Variants in MAP3K3 observed in about 807,000 individuals in gnomAD.
The protein encoded by MAP3K3 is mitogen-activated protein kinase kinase kinase 3, also known as MAP/ERK kinase kinase 3.
In MAP3K3, 12 loss-of-function variants were observed where a neutral mutation model predicts 80.9. The ratio of observed to expected loss-of-function variants is 0.15; its 90% CI spans 0.10 to 0.24. MAP3K3 has a LOEUF of 0.24. Among genes scored for constraint, MAP3K3 ranks in the 10% least tolerant of loss-of-function variants. The pLI is 1.00. For missense variants in MAP3K3, 596 were observed against 834.7 expected (o/e 0.71, Z 3.52); for synonymous variants, 272 against 307.1 (o/e 0.89, Z 1.19).
At chr17:63,681,112 T>TAAA (rs76886126) in intron 6 of MAP3K3, among the ~76,000 whole-genome samples, 1 of 130,498 alleles carries the variant, frequency 7.7e-6, no homozygotes, top group Non-Finnish European at 1.7e-5. Flanking sequence ...TGTCTCAATT[T>TAAA]AAAAAAAAAA....
intron 1 of MAP3K3, among the ~76,000 whole-genome samples, chr17:63,630,738 C>G (rs1007372890): frequency 6.6e-6 from 1 of 152,170 alleles, no homozygotes; most frequent in East Asian, 1.9e-4. Flanking sequence ...CCACTTTCTC[C>G]TCATTCATTA....
chr17:63,627,334 C>T (rs1762117163), intron 1 of MAP3K3, among the ~76,000 whole-genome samples: 2 of 152,198 alleles, frequency 1.3e-5, no homozygotes, highest in South Asian at 4.1e-4. Flanking sequence ...TATGCTTCTT[C>T]CTGGTAGCTT....
At chr17:63,639,995 C>T (rs943721401) in intron 2 of MAP3K3, among the ~76,000 whole-genome samples, 11 of 152,064 alleles carry the variant, frequency 7.2e-5, no homozygotes, top group Non-Finnish European at 1.5e-4. Flanking sequence ...AGTCTTATAC[C>T]GGAGGTCTTT....
chr17:63,691,189 C>A lies in MAP3K3; in HGVS notation c.1300C>A (p.Arg434Ser). 1 of 1,614,196 alleles carries A rather than the reference C, an allele frequency of 6.2e-7. No homozygotes were observed. The highest frequency in any genetic ancestry group is 1.1e-5 in the South Asian group (1 of 91,086). Residue 434 changes from arginine to serine, a missense_variant, in exon 13 of 16, where the codon CGC (arginine) becomes AGC (serine). Transcript: ENST00000361733. The surrounding 1 kb of genome is among the most constrained non-coding windows in gnomAD (Gnocchi z 4.8). ...GCAGTACTATGGCTGTCTGCGGGAC[C>A]GCGCTGAGAAGACCCTGACCATCTT... ...IVQYYGCLRDRAEKTLTIFME... is the reference protein window; with the variant it reads ...IVQYYGCLRDSAEKTLTIFME...
chr17:63,688,817 G>C lies in MAP3K3; in HGVS notation c.807G>C (p.Gly269=). The change falls in exon 10 of 16, where the codon GGG becomes GGC. Residue 269 remains glycine, a synonymous_variant. Coordinates refer to ENST00000361733, the MANE Select transcript of MAP3K3 (RefSeq NM_002401.5). ...GGGAAACTCAGCTTTATGACAAAGG[G>C]GTCAAAGGTGGAACCTACCCCCGGC... ...SDRETQLYDK[G]VKGGTYPRRY... is the part of the protein sequence containing the mutation. 1.2e-6 allele frequency: 2 copies of C among 1,613,918 alleles called. No individual in the cohort carries two copies. The highest frequency in any genetic ancestry group is 2.2e-5 in the South Asian group (2 of 91,074).
chr17:63,639,882 A>C (rs2034406527), intron 2 of MAP3K3, among the ~76,000 whole-genome samples: 1 of 152,132 alleles, frequency 6.6e-6, no homozygotes, highest in African/African-American at 2.4e-5. Flanking sequence ...TCAGCTTTAT[A>C]CATTTATAAA....
rs1449188906 is a variant in MAP3K3, at chr17:63,694,416, CCT to C, written c.*643_*644del. On this transcript the variant is annotated 3_prime_UTR_variant, in exon 16 of 16. Coordinates refer to ENST00000361733, the MANE Select transcript of MAP3K3 (RefSeq NM_002401.5). ...TGTCCTGCCTGTGGCCATGACCCTG[CCT>C]CTCCCAGGCAGGGGCCCGCGATGTG... 4 of 152,680 alleles carry C rather than the reference CCT, an allele frequency of 2.6e-5. No homozygotes were observed. Among genetic ancestry groups the C allele is most frequent in the Non-Finnish European group, 5.9e-5 (4 of 68,058 alleles). The allele number at this position is 152,680 out of a possible 1,614,324, so 9.5% of individuals were successfully genotyped here. A position where few individuals can be genotyped will look rare whatever the true frequency, so the allele number is the denominator to read the frequency against.
chr17:63,650,676 GAGAGAGAGAGAGAGAGAGA>G (rs2034633656), intron 3 of MAP3K3, among the ~76,000 whole-genome samples: 2 of 147,866 alleles, frequency 1.4e-5, no homozygotes, highest in African/African-American at 5.2e-5. Flanking sequence ...GAGAGAGAGA[GAGAGAGAGAGAGAGAGAGA>G]GTTTTTTTTT....
chr17:63,683,428 T>G (rs979673681), intron 7 of MAP3K3, among the ~76,000 whole-genome samples: 4 of 152,324 alleles, frequency 2.6e-5, no homozygotes, highest in Admixed American at 6.5e-5. Context: ...TCCCAGAGAT[T>G]GCAGATGAGC....
chr17:63,679,814 G>T (rs928811210), intron 6 of MAP3K3, among the ~76,000 whole-genome samples: 1 of 152,248 alleles, frequency 6.6e-6, no homozygotes, highest in East Asian at 1.9e-4. Context: ...ATACATATAT[G>T]TATAAACATG....
chr17:63,655,473 G>A (rs1183177757), intron 4 of MAP3K3, among the ~76,000 whole-genome samples: 7 of 152,150 alleles, frequency 4.6e-5, no homozygotes. Context: ...GGTGTAAAGT[G>A]ATATGTCACT....
Position 63,691,711 on chromosome 17 carries a change from TC to T in MAP3K3, c.1345-21del, listed in dbSNP as rs1408515721. On this transcript the variant is annotated intron_variant, in intron 13 of 15. Coordinates refer to ENST00000361733, the MANE Select transcript of MAP3K3 (RefSeq NM_002401.5). This position sits in a 1 kb window ranked among gnomAD's most constrained non-coding sequence, Gnocchi z 4.8. ...ACCAGCCCTCCCCTGAGGGGACTCC[TC>T]TGACTTCTTGTGGCCTCCAGGGCTC... is the stretch of plus-strand genomic sequence containing the variant. 6.8e-6 allele frequency: 11 copies of T among 1,610,218 alleles called. No homozygotes were observed. In the Admixed American group the frequency reaches 8.3e-5, roughly 12 times the overall value.
At chr17:63,670,472 A>G (rs571004724) in intron 6 of MAP3K3, among the ~76,000 whole-genome samples, 1 of 151,652 alleles carries the variant, frequency 6.6e-6, no homozygotes, top group Non-Finnish European at 1.5e-5. Context: ...AGTCCCAGCT[A>G]CTCAGGGGGC....
At chr17:63,667,459 G>GAGA (rs749557806) in intron 6 of MAP3K3, among the ~76,000 whole-genome samples, 4 of 152,150 alleles carry the variant, frequency 2.6e-5, no homozygotes, top group African/African-American at 4.8e-5. Flanking sequence ...TATGATTCCT[G>GAGA]AGAAGTCTTT....
intron 8 of MAP3K3, among the ~76,000 whole-genome samples, chr17:63,686,102 T>C (rs1043681578): frequency 6.6e-6 from 1 of 152,194 alleles, no homozygotes; most frequent in Non-Finnish European, 1.5e-5. Context: ...TGGTGTCCTT[T>C]ACATACCAAA....
chr17:63,641,682 T>C (rs1236810524), intron 2 of MAP3K3, among the ~76,000 whole-genome samples: 1 of 152,160 alleles, frequency 6.6e-6, no homozygotes, highest in Non-Finnish European at 1.5e-5. Flanking sequence ...CATATTGGCC[T>C]CAGATACGTG....
chr17:63,687,725 C>A (rs1444428468), intron 8 of MAP3K3, among the ~76,000 whole-genome samples: 1 of 150,692 alleles, frequency 6.6e-6, no homozygotes, highest in Non-Finnish European at 1.5e-5. Flanking sequence ...CGCGGTGGCT[C>A]ATGCCTGTAG....
At chr17:63,644,364 G>A (rs1040287688) in intron 2 of MAP3K3, among the ~76,000 whole-genome samples, 2 of 151,928 alleles carry the variant, frequency 1.3e-5, no homozygotes, top group African/African-American at 2.4e-5. Flanking sequence ...ACAGGTGTGC[G>A]CCATTACTCA....
chr17:63,675,860 C>G (rs755773590), intron 6 of MAP3K3, among the ~76,000 whole-genome samples: 1 of 152,202 alleles, frequency 6.6e-6, no homozygotes. Context: ...TTGCATAGCT[C>G]TGTGCTTTGG....
Sources: allele counts gnomAD v4.1 joint callset (sites outside exome capture counted in the v4.1 genomes callset), GRCh38; gene constraint gnomAD v4.1.1; non-coding constraint Gnocchi (gnomAD v3.1); transcripts MANE v1.5; gene names NCBI Gene and HGNC (gene_info 2026-07-23, HGNC 2026-07-21).